Variants in MROH2A observed in about 807,000 individuals in gnomAD.
The protein encoded by MROH2A is maestro heat like repeat family member 2A.
MROH2A carries 174 observed loss-of-function variants against 200.4 expected under a neutral mutation model. That is an observed-to-expected ratio of 0.87 (90% CI 0.77 to 0.98). The LOEUF is 0.98. Ranked by LOEUF, MROH2A falls within the 50% of genes least tolerant of loss-of-function variation. The pLI, the probability that MROH2A is intolerant of heterozygous loss-of-function variation, is 0.00. For synonymous variants in MROH2A, 829 were observed against 840.4 expected, an observed-to-expected ratio of 0.99 and a Z score of 0.23; for missense variants, 2,045 against 2,139.6, an observed-to-expected ratio of 0.96 and a Z score of 0.87.
In MROH2A at chr2:233,822,132, C is replaced by T; in HGVS notation, c.3521C>T (p.Ala1174Val). The change falls in exon 32 of 42, where the codon GCA becomes GTA. Residue 1174 changes from alanine to valine, a missense_variant. Around this residue, in one of 3 missense-constraint regions of MROH2A, gnomAD observed 1,201 missense variants for 1,311.3 expected, o/e 0.92. Coordinates refer to ENST00000389758, the MANE Select transcript of MROH2A (RefSeq NM_001394639.1). The part of the protein sequence containing the change: ...RQPLPMESHL[A>V]EVWLAVSENV... ...GCCCTGACTTTGGTTAGCCACCTGGCAGAGGTGTGGCTGGCAGTGTCGGAG... is the reference window on the plus strand; with the variant it reads ...GCCCTGACTTTGGTTAGCCACCTGGTAGAGGTGTGGCTGGCAGTGTCGGAG... 6.5e-7 allele frequency: 1 copy of T among 1,549,060 alleles called. No individual in the cohort carries two copies. Among genetic ancestry groups the T allele is most frequent in the Non-Finnish European group, 8.7e-7 (1 of 1,146,170 alleles).
rs1399055411 is a variant in MROH2A, at chr2:233,814,638, G to A, written c.2817G>A (p.Gln939=). The change falls in exon 26 of 42, where the codon CAG becomes CAA. Residue 939 remains glutamine (Q), a synonymous_variant. Coordinates refer to ENST00000389758, the MANE Select transcript of MROH2A (RefSeq NM_001394639.1). Reference sequence around the variant, plus strand: ...AGCAGCTGATGGAGAGCCTCCTGCAGAGGCAGCTGGACCCCAAGGGGCTGC... The same window carrying A: ...AGCAGCTGATGGAGAGCCTCCTGCAAAGGCAGCTGGACCCCAAGGGGCTGC... ...SLEQLMESLL[Q]RQLDPKGLQE... 6.4e-7 allele frequency: 1 copy of A among 1,550,538 alleles called. No homozygotes were observed. Among genetic ancestry groups the A allele is most frequent in the Non-Finnish European group, 8.7e-7 (1 of 1,146,952 alleles).
At chr2:233,789,730 C>T (rs2126099764) in intron 4 of MROH2A, 102 bp downstream of exon 4, 1 of 1,449,368 alleles carries the variant, frequency 6.9e-7, no homozygotes, top group Non-Finnish European at 9.2e-7. Flanking sequence ...AGTTACCTCT[C>T]AGAGCAGGGG....
At chr2:233,788,133 T>TTA (rs542438772) in intron 3 of MROH2A, among the ~76,000 whole-genome samples, 8 of 103,140 alleles carry the variant, frequency 7.8e-5, no homozygotes, top group South Asian at 2.6e-4. Context: ...CATATATATT[T>TTA]TATATATATA....
At chr2:233,814,512 A>T in intron 25 of MROH2A, 70 bp from the exon 26 acceptor site, 6 of 1,097,026 alleles carry the variant, frequency 5.5e-6, no homozygotes, top group Non-Finnish European at 8.1e-6. Context: ...CCTGGCATGA[A>T]CTCCCTGCAG....
At chr2:233,778,577 A>G (rs1249699751) in intron 1 of MROH2A, 96 bp downstream of exon 1, 1 of 166,290 alleles carries the variant, frequency 6.0e-6, no homozygotes, top group African/African-American at 2.4e-5. Flanking sequence ...TTTGAGGATC[A>G]AGGAACTTGG....
At position 233,791,398 on chromosome 2, in the gene MROH2A, G is replaced by A. The variant is rs763664039; in HGVS notation, c.571+1384G>A. ...GCAGAGGTAGCAAGCCACTGGGAGC[G>A]TGTTGGCCTCCTTTCCCGAGCTAGA... On this transcript the variant is annotated intron_variant, in intron 5 of 41. Coordinates refer to ENST00000389758, the MANE Select transcript of MROH2A (RefSeq NM_001394639.1). Among the ~76,000 whole-genome samples the A allele has an allele frequency of 8.5e-5, 13 of 152,326 alleles. No homozygotes were observed. The East Asian group carries it at 1.7e-3, about 20-fold the overall frequency.
upstream of MROH2A, among the ~76,000 whole-genome samples, chr2:233,777,012 A>G (rs561153676): frequency 1.5e-4 from 23 of 152,342 alleles, no homozygotes; most frequent in South Asian, 4.8e-3. Flanking sequence ...TAGCGAGCCA[A>G]TGGCCAGCCC....
Position 233,823,020 on chromosome 2 carries a change from T to A in MROH2A, c.4004+2T>A, listed in dbSNP as rs1576007221. The A allele has an allele frequency of 1.3e-6, 2 of 1,549,850 alleles. No individual in the cohort carries two copies. The highest frequency in any genetic ancestry group is 1.4e-5 in the African/African-American group (1 of 73,018). On this transcript the variant is annotated splice_donor_variant, in intron 34 of 41. Transcript: ENST00000389758. LOFTEE classifies it high-confidence loss of function. Reference sequence around the variant, plus strand: ...GGAGGGTGTGAGCCTGCTGGCCAGGTGGGCCCTGGCTCCCACAGGGTGGCA... The same window carrying A: ...GGAGGGTGTGAGCCTGCTGGCCAGGAGGGCCCTGGCTCCCACAGGGTGGCA...
chr2:233,789,153 A>G (rs936070463), intron 3 of MROH2A, among the ~76,000 whole-genome samples: 6 of 152,080 alleles, frequency 3.9e-5, no homozygotes, highest in African/African-American at 1.4e-4. Flanking sequence ...GACTCCCTCA[A>G]TAGGGCAAAG....
chr2:233,809,096 C>G lies in MROH2A; in HGVS notation c.2296-30C>G, dbSNP rs115902669. On this transcript the variant is annotated intron_variant, in intron 21 of 41. Transcript: ENST00000389758. Reference sequence around the variant, plus strand: ...CATCTGGAGCAGCCCCTGCTGCCCCCAGTGGTTCTTTTTCTCTTTGGCCTC... The same window carrying G: ...CATCTGGAGCAGCCCCTGCTGCCCCGAGTGGTTCTTTTTCTCTTTGGCCTC... The G allele has an allele frequency of 1.0e-3, 1,533 of 1,537,968 alleles. 15 individuals are homozygous for G. In the African/African-American group the frequency reaches 0.019, roughly 19 times the overall value.
rs572079045 is a variant in MROH2A at position 233,829,033 on chromosome 2, C to T, written c.4407C>T (p.Phe1469=). The part of the protein sequence containing the change: ...ELREGDVGSS[F]DAMSEQCRIF... The stretch of plus-strand genomic sequence containing the variant: ...GGGAAGGGGATGTGGGGTCCTCTTT[C>T]GACGCCATGTCTGAGCAGTGCAGGA... Residue 1469 remains phenylalanine (F), a synonymous_variant, in exon 37 of 42, where the codon TTC becomes TTT. Coordinates refer to ENST00000389758, the MANE Select transcript of MROH2A (RefSeq NM_001394639.1). 2.6e-4 allele frequency: 408 copies of T among 1,548,020 alleles called. 6 individuals are homozygous for T. In the South Asian group the frequency reaches 4.6e-3, roughly 17 times the overall value.
rs374751956 is a variant in MROH2A at position 233,833,170 on chromosome 2, G to A, written c.4936G>A (p.Gly1646Arg). 73 of 1,549,288 alleles carry A rather than the reference G, an allele frequency of 4.7e-5. No homozygotes were observed. Among genetic ancestry groups the A allele is most frequent in the African/African-American group, 9.6e-5 (7 of 72,904 alleles). ...LQELQLDPDP[G>R]VRRAALETLT... ...GGAACTACAGCTGGACCCGGATCCC[G>A]GGGTCAGGAGGGCAGCCCTGGAGAC... The change falls in exon 42 of 42, where the codon GGG (glycine) becomes AGG (arginine). Residue 1646 changes from glycine to arginine, a missense_variant. Coordinates refer to ENST00000389758, the MANE Select transcript of MROH2A (RefSeq NM_001394639.1).
At chr2:233,785,467 CAAA>C (rs34259208) in intron 3 of MROH2A, among the ~76,000 whole-genome samples, 9 of 110,730 alleles carry the variant, frequency 8.1e-5, no homozygotes, top group Admixed American at 2.0e-4. Context: ...GACTTTGTCT[CAAA>C]AAAAAAAAAA....
chr2:233,804,580 A>G, intron 18 of MROH2A, 33 bp downstream of exon 18: 1 of 1,548,678 alleles, frequency 6.5e-7, no homozygotes, highest in African/African-American at 1.4e-5. Context: ...GAGGCCTGGG[A>G]GGAGGAGAAA....
chr2:233,831,474 A>G lies in MROH2A; in HGVS notation c.4668A>G (p.Ser1556=), dbSNP rs899460309. The G allele has an allele frequency of 1.1e-5, 17 of 1,550,530 alleles. No homozygotes were observed. The highest frequency in any genetic ancestry group is 2.0e-5 in the Admixed American group (1 of 50,992). The change falls in exon 39 of 42, where the codon TCA becomes TCG. Residue 1556 remains serine (S), a synonymous_variant. Transcript: ENST00000389758. ...GCTGGAAGTCCCTGGAGCATCCCTC[A>G]GGGCCAAGTGATACCGCTACTGATG... ...FWGWKSLEHP[S]GPSDTATDDK...
Position 233,813,713 on chromosome 2 carries a change from A to T in MROH2A, c.2695A>T (p.Met899Leu). ...CTCCACAGAGGAAAACAGTGAGCTGATGGATATCAGCATACATTCTGTAAT... is the reference window on the plus strand; with the variant it reads ...CTCCACAGAGGAAAACAGTGAGCTGTTGGATATCAGCATACATTCTGTAAT... The part of the protein sequence containing the change: ...FYSTEENSEL[M>L]DISIHSVISL... Residue 899 changes from methionine to leucine, a missense_variant, in exon 25 of 42, where the codon ATG (methionine) becomes TTG (leucine). By Grantham distance (15) the Met-to-Leu change is conservative. Transcript: ENST00000389758. 6.5e-7 allele frequency: 1 copy of T among 1,550,324 alleles called. No homozygotes were observed. The highest frequency in any genetic ancestry group is 8.7e-7 in the Non-Finnish European group (1 of 1,146,778).
chr2:233,788,536 T>G (rs927165829), intron 3 of MROH2A, among the ~76,000 whole-genome samples: 3 of 152,152 alleles, frequency 2.0e-5, no homozygotes, highest in Admixed American at 2.0e-4. Flanking sequence ...TTGCTAAGGA[T>G]TCTGGACTGT....
At chr2:233,831,639 T>A in intron 39 of MROH2A, 99 bp downstream of exon 39, 1 of 1,329,936 alleles carries the variant, frequency 7.5e-7, no homozygotes, top group South Asian at 1.5e-5. Flanking sequence ...TGGGGCCCTA[T>A]GTTTACCTTC....
intron 3 of MROH2A, among the ~76,000 whole-genome samples, chr2:233,786,317 T>G (rs1292406803): frequency 6.6e-6 from 1 of 152,188 alleles, no homozygotes; most frequent in African/African-American, 2.4e-5. Context: ...GCAAATTTGG[T>G]TTCTGTAAAG....
Sources: gnomAD v4.1 joint callset for allele counts (sites outside exome capture counted in the v4.1 genomes callset) on GRCh38, gnomAD v4.1.1 for gene constraint, gnomAD v4.1.1 regional missense constraint, MANE v1.5 for transcripts, NCBI Gene and HGNC (gene_info 2026-07-23, HGNC 2026-07-21) for gene names.